Variants in SCLY observed in about 807,000 individuals in gnomAD.
SCLY encodes selenocysteine lyase.
Under a neutral mutation model 50.1 loss-of-function variants are expected in SCLY, and 38 were observed. The observed-to-expected ratio is 0.76, with a 90% confidence interval of 0.59 to 0.99. The LOEUF (loss-of-function observed/expected upper bound fraction) is 0.99, where lower values mean the gene tolerates loss of function less well. Among genes scored for constraint, SCLY ranks in the 50% least tolerant of loss-of-function variants. The pLI is 0.00. For missense variants in SCLY, 600 were observed against 620.0 expected (o/e 0.97, Z 0.34); for synonymous variants, 243 against 249.4 (o/e 0.97, Z 0.24).
chr2:238,083,373 A>G lies in SCLY; in HGVS notation c.884+19A>G. The G allele has an allele frequency of 1.3e-6, 2 of 1,516,038 alleles. No individual in the cohort carries two copies. The highest frequency in any genetic ancestry group is 2.2e-5 in the South Asian group (2 of 89,080). The allele number at this position is 1,516,038 out of a possible 1,614,324, so 93.9% of individuals were successfully genotyped here. On this transcript the variant is annotated intron_variant, in intron 7 of 11. Coordinates refer to ENST00000254663, the MANE Select transcript of SCLY (RefSeq NM_016510.7). This position sits in a 1 kb window ranked among gnomAD's most constrained non-coding sequence, Gnocchi z 4.3. ...GGCCAGGGTAAGGCAGAAAGTTAAC[A>G]AAGTCTCTGACCTACTGACCGTGTC...
At chr2:238,098,135 G>C in intron 11 of SCLY, 67 bp from the exon 12 acceptor site, 1 of 1,562,816 alleles carries the variant, frequency 6.4e-7, no homozygotes, top group Non-Finnish European at 8.7e-7. Flanking sequence ...GTGGTCCAGA[G>C]CAGGGGGGGC....
rs558681880 is a variant in SCLY, at chr2:238,064,422, A to C, written c.155A>C (p.Lys52Thr). ...LEPEVIQAMTKAMWEAWGNPS... is the reference protein window; with the variant it reads ...LEPEVIQAMTTAMWEAWGNPS... ...CCAGAAGTTATCCAGGCCATGACCA[A>C]GGCCATGTGGGAAGCCTGGGGAAAT... Residue 52 changes from lysine (K) to threonine (T), a missense_variant, in exon 2 of 12, where the codon AAG becomes ACG. Lys to Thr is a moderately conservative substitution (Grantham distance 78). Transcript: ENST00000254663. The C allele has an allele frequency of 9.7e-5, 157 of 1,611,542 alleles. No homozygotes were observed. The Middle Eastern group carries it at 1.8e-3, about 19-fold the overall frequency.
chr2:238,062,150 G>A (rs2065024533), intron 1 of SCLY, among the ~76,000 whole-genome samples: 1 of 152,174 alleles, frequency 6.6e-6, no homozygotes, highest in Non-Finnish European at 1.5e-5. Context: ...AAATAATGAA[G>A]CAAAGGAATG....
In SCLY at chr2:238,098,661, A is replaced by AGGAACGCCCACATAGGAACGCCCACATGG; in HGVS notation, c.*307_*308insGAACGCCCACATAGGAACGCCCACATGGG. The AGGAACGCCCACATAGGAACGCCCACATGG allele has an allele frequency of 4.9e-6, 1 of 202,372 alleles. No homozygotes were observed. 12.5% of individuals were successfully genotyped at this position (202,372 alleles called of 1,614,324 possible). On this transcript the variant is annotated 3_prime_UTR_variant, in exon 12 of 12. Coordinates refer to ENST00000254663, the MANE Select transcript of SCLY (RefSeq NM_016510.7). ...ACCGCCCACATGGGACCGCCCACAT[A>AGGAACGCCCACATAGGAACGCCCACATGG]GAACCGTCCTCCAGTGGTGAAGCGG... is the stretch of plus-strand genomic sequence containing the variant.
rs1382978189 is a variant in SCLY, at chr2:238,064,390, C to T, written c.123C>T (p.Pro41=). ...KVYMDYNATT[P]LEPEVIQAMT... is the part of the protein sequence containing the mutation. ...ATATGGACTATAATGCAACGACTCC[C>T]CTGGAGCCAGAAGTTATCCAGGCCA... is the stretch of plus-strand genomic sequence containing the variant. The change falls in exon 2 of 12, where the codon CCC becomes CCT. Residue 41 remains proline (P), a synonymous_variant. Coordinates refer to ENST00000254663, the MANE Select transcript of SCLY (RefSeq NM_016510.7). The T allele has an allele frequency of 5.0e-6, 8 of 1,610,260 alleles. No individual in the cohort carries two copies. The highest frequency in any genetic ancestry group is 4.5e-5 in the East Asian group (2 of 44,580).
At chr2:238,068,959 G>A (rs2065101844) in intron 3 of SCLY, among the ~76,000 whole-genome samples, 1 of 151,976 alleles carries the variant, frequency 6.6e-6, no homozygotes, top group Non-Finnish European at 1.5e-5. Flanking sequence ...ACCAATAGTG[G>A]GTGGCTGGAC....
At chr2:238,062,740 C>T (rs1011213489) in intron 1 of SCLY, among the ~76,000 whole-genome samples, 9 of 152,224 alleles carry the variant, frequency 5.9e-5, no homozygotes, top group African/African-American at 2.2e-4. Context: ...AGAAAAGATG[C>T]TTCATTTCAA....
intron 2 of SCLY, among the ~76,000 whole-genome samples, chr2:238,065,743 C>T (rs760526382): frequency 5.3e-5 from 8 of 150,866 alleles, no homozygotes; most frequent in South Asian, 4.2e-4. Flanking sequence ...GGTGCAATCT[C>T]GGGTCAATGC....
At position 238,098,533 on chromosome 2, in the gene SCLY, C is replaced by G; in HGVS notation, c.*178C>G. ...TTTCCTTCCCTGGACCCCTGCAGAG[C>G]TCACAGGGCCCAGGACACCAACGCC... On this transcript the variant is annotated 3_prime_UTR_variant, in exon 12 of 12. Transcript: ENST00000254663. The G allele has an allele frequency of 1.6e-6, 1 of 633,038 alleles. No homozygotes were observed. The highest frequency in any genetic ancestry group is 2.4e-6 in the Non-Finnish European group (1 of 418,860). 39.2% of individuals were successfully genotyped at this position (633,038 alleles called of 1,614,324 possible). A position where few individuals can be genotyped will look rare whatever the true frequency, so the allele number is the denominator to read the frequency against.
rs1272699221 is a variant in SCLY, at chr2:238,098,375, A to G, written c.*20A>G. On this transcript the variant is annotated 3_prime_UTR_variant, in exon 12 of 12. Transcript: ENST00000254663. ...GCCTAGCACTGGGGCCGCCTTCCCC[A>G]CCCCGCTTCTGGGAAGCCCGTGGCA... The G allele has an allele frequency of 6.4e-7, 1 of 1,568,132 alleles. No individual in the cohort carries two copies. The highest frequency in any genetic ancestry group is 1.7e-5 in the Admixed American group (1 of 57,980).
chr2:238,089,376 T>C (rs34914609), intron 7 of SCLY, among the ~76,000 whole-genome samples: 31,744 of 151,854 alleles, frequency 0.21, 3,493 homozygotes, highest in South Asian at 0.34. Context: ...TGGAGGAGAA[T>C]AGACCCAAAC....
intron 8 of SCLY, chr2:238,091,665 G>A (rs3739057): frequency 5.2e-6 from 1 of 193,736 alleles, no homozygotes; most frequent in East Asian, 1.4e-4. Flanking sequence ...TCCTGCTTCT[G>A]CGACAGTAAC....
chr2:238,094,127 C>G, intron 9 of SCLY, 183 bp downstream of exon 9: 1 of 645,972 alleles, frequency 1.5e-6, no homozygotes, highest in Non-Finnish European at 2.7e-6. Flanking sequence ...TCTGAAACCC[C>G]GAAAGCAGGA....
intron 4 of SCLY, among the ~76,000 whole-genome samples, chr2:238,072,654 G>A (rs2106440219): frequency 6.6e-6 from 1 of 152,210 alleles, no homozygotes; most frequent in East Asian, 1.9e-4. Context: ...CATCTTTCAT[G>A]TACTCCTTGG....
At chr2:238,085,524 C>CG (rs2065285620) in intron 7 of SCLY, among the ~76,000 whole-genome samples, 1 of 151,370 alleles carries the variant, frequency 6.6e-6, no homozygotes, top group Non-Finnish European at 1.5e-5. Context: ...CGAGACCATC[C>CG]TGGCTAACAC....
chr2:238,072,862 C>T (rs1357884113), intron 4 of SCLY, among the ~76,000 whole-genome samples: 2 of 152,126 alleles, frequency 1.3e-5, no homozygotes, highest in African/African-American at 4.8e-5. Flanking sequence ...CTTTGAAGAA[C>T]AGAAGCTTTT....
rs115144823 is a variant in SCLY at position 238,081,833 on chromosome 2, C to T, written c.609C>T (p.Val203=). ...IMLANNETGI[V]MPVPEISQRI... ...TGGCCAACAATGAGACTGGCATTGTCATGGTGAGTCGGCCTTTGTTTCTCT... is the reference window on the plus strand; with the variant it reads ...TGGCCAACAATGAGACTGGCATTGTTATGGTGAGTCGGCCTTTGTTTCTCT... The change falls in exon 5 of 12, where the codon GTC becomes GTT. Residue 203 remains valine (V), a synonymous_variant. Transcript: ENST00000254663. 6 of 1,613,478 alleles carry T rather than the reference C, an allele frequency of 3.7e-6. No homozygotes were observed. Among genetic ancestry groups the T allele is most frequent in the Non-Finnish European group, 5.1e-6 (6 of 1,179,680 alleles).
intron 9 of SCLY, 76 bp downstream of exon 9, chr2:238,094,020 CT>C: frequency 7.0e-6 from 9 of 1,281,548 alleles, no homozygotes; most frequent in Non-Finnish European, 7.8e-6. Flanking sequence ...GGGTGTGGTG[CT>C]CCCAGACCCC....
chr2:238,093,976 G>C (rs751660098), intron 9 of SCLY, 32 bp downstream of exon 9: 1 of 1,592,822 alleles, frequency 6.3e-7, no homozygotes, highest in Non-Finnish European at 8.6e-7. Flanking sequence ...CACCAGGAGG[G>C]GGAGGGTGCG....
Sources: gnomAD v4.1 joint callset for allele counts (sites outside exome capture counted in the v4.1 genomes callset) on GRCh38, gnomAD v4.1.1 for gene constraint, Gnocchi (gnomAD v3.1) non-coding constraint, MANE v1.5 for transcripts, NCBI Gene and HGNC (gene_info 2026-07-23, HGNC 2026-07-21) for gene names.